The following RAB3IL1 variants were observed in gnomAD, a reference collection of about 807,000 sequenced individuals.
RAB3IL1 encodes the protein guanine nucleotide exchange factor for Rab-3A.
Under a neutral mutation model 49.2 loss-of-function variants are expected in RAB3IL1, and 37 were observed. The observed-to-expected ratio is 0.75, with a 90% CI of 0.58 to 0.99. The LOEUF is 0.99. Ranked by LOEUF, RAB3IL1 falls within the 50% of genes least tolerant of loss-of-function variation. RAB3IL1 has a pLI of 0.00. For missense variants in RAB3IL1, 484 were observed against 513.0 expected (o/e 0.94, Z 0.55); for synonymous variants, 193 against 213.9 (o/e 0.90, Z 0.85).
intron 8 of RAB3IL1, 162 bp from the exon 9 acceptor site, chr11:61,899,542 C>T: frequency 1.6e-6 from 1 of 620,458 alleles, no homozygotes; most frequent in East Asian, 2.8e-5. Context: ...TCAACAACAG[C>T]ATGACTAGCC....
At position 61,899,203 on chromosome 11, in the gene RAB3IL1, C is replaced by A. The variant is rs1319532627; in HGVS notation, c.1066+111G>T. ...AACCACAACCCTCCCCGCTCCCCAGCCTCCTAGCTGAGTCTTGCCTCCACT... is the reference window on the plus strand; with the variant it reads ...AACCACAACCCTCCCCGCTCCCCAGACTCCTAGCTGAGTCTTGCCTCCACT... On this transcript the variant is annotated intron_variant, in intron 9 of 9. Coordinates refer to ENST00000394836, the MANE Select transcript of RAB3IL1 (RefSeq NM_013401.4). The A allele has an allele frequency of 4.1e-6, 5 of 1,225,414 alleles. No individual in the cohort carries two copies. In the East Asian group the frequency reaches 1.0e-4, roughly 25 times the overall value. 75.9% of individuals were successfully genotyped at this position (1,225,414 alleles called of 1,614,324 possible). A position where few individuals can be genotyped will look rare whatever the true frequency, so the allele number is the denominator to read the frequency against.
intron 8 of RAB3IL1, 69 bp from the exon 9 acceptor site, chr11:61,899,449 G>T: frequency 6.7e-7 from 1 of 1,494,082 alleles, no homozygotes; most frequent in Non-Finnish European, 9.1e-7. Flanking sequence ...AGGCGGATCT[G>T]AGTCCAGAGC....
At position 61,902,520 on chromosome 11, in the gene RAB3IL1, C is replaced by G. The variant is rs1192946418; in HGVS notation, c.921G>C (p.Leu307=). Residue 307 remains leucine (L), a synonymous_variant, in exon 8 of 10, where the codon CTG becomes CTC. Transcript: ENST00000394836. ...SSTNTCALSG[L]TRTCRHRIRL... ...GGATTCGGTGGCGGCAGGTGCGGGT[C>G]AGCCCGCTCAGGGCACATGTGCTAG... is the stretch of plus-strand genomic sequence containing the variant. 4 of 1,601,196 alleles carry G rather than the reference C, an allele frequency of 2.5e-6. No individual in the cohort carries two copies. The South Asian group carries it at 4.5e-5, about 18-fold the overall frequency.
chr11:61,923,560 G>A (rs1306827934), upstream of RAB3IL1, among the ~76,000 whole-genome samples: 2 of 152,306 alleles, frequency 1.3e-5, no homozygotes, highest in East Asian at 3.9e-4. Context: ...TGCAGGGCTG[G>A]GCGCTCAGCA....
chr11:61,933,952 A>T, the RAB3IL1 span, among the ~76,000 whole-genome samples: 1 of 152,102 alleles, frequency 6.6e-6, no homozygotes, highest in Non-Finnish European at 1.5e-5. Flanking sequence ...CTCAGAAAAA[A>T]AAAGAAAAGA....
chr11:61,920,366 AATT>A (rs1019159418), upstream of RAB3IL1: 5 of 815,190 alleles, frequency 6.1e-6, no homozygotes, highest in African/African-American at 8.8e-5. Flanking sequence ...TCAACCCCGT[AATT>A]ATTAACTCCT....
At chr11:61,918,962 C>A (rs1283178291), upstream of RAB3IL1, among the ~76,000 whole-genome samples, 1 of 152,212 alleles carries the variant, frequency 6.6e-6, no homozygotes, top group Non-Finnish European at 1.5e-5. Context: ...CCCTACCCCA[C>A]CCCCAGCCCA....
Position 61,898,156 on chromosome 11 carries a change from T to C in RAB3IL1, c.*122A>G, listed in dbSNP as rs1385955659. On this transcript the variant is annotated 3_prime_UTR_variant, in exon 10 of 10. Coordinates refer to ENST00000394836, the MANE Select transcript of RAB3IL1 (RefSeq NM_013401.4). The surrounding 1 kb of genome is among the most constrained non-coding windows in gnomAD (Gnocchi z 5.1). The stretch of plus-strand genomic sequence containing the variant: ...CTCAGTGCTGCCTCCATGGCCTGTC[T>C]GTCCATCCATTCTGCCTCTGGCTCA... 1.2e-5 allele frequency: 10 copies of C among 865,468 alleles called. No homozygotes were observed. The East Asian group carries it at 2.4e-4, about 21-fold the overall frequency. The allele number at this position is 865,468 out of a possible 1,614,324, so 53.6% of individuals were successfully genotyped here.
In RAB3IL1 at chr11:61,906,408, T is replaced by C. The variant is rs1939183524; in HGVS notation, c.657+58A>G. The C allele has an allele frequency of 4.8e-6, 7 of 1,462,038 alleles. No homozygotes were observed. Among genetic ancestry groups the C allele is most frequent in the Non-Finnish European group, 6.5e-6 (7 of 1,080,468 alleles). 90.6% of individuals were successfully genotyped at this position (1,462,038 alleles called of 1,614,324 possible). A position where few individuals can be genotyped will look rare whatever the true frequency, so the allele number is the denominator to read the frequency against. ...GCTGGTCCTCACTGGGCTCGGACCC[T>C]GCCTACCGCAGGCACTGCCACCCTT... On this transcript the variant is annotated intron_variant, in intron 5 of 9. Coordinates refer to ENST00000394836, the MANE Select transcript of RAB3IL1 (RefSeq NM_013401.4). This position sits in a 1 kb window ranked among gnomAD's most constrained non-coding sequence, Gnocchi z 4.6.
At chr11:61,941,381 G>A in the RAB3IL1 span, among the ~76,000 whole-genome samples, 2 of 152,148 alleles carry the variant, frequency 1.3e-5, no homozygotes, top group African/African-American at 2.4e-5. Flanking sequence ...AAATAGAGAA[G>A]AATATACTTC....
At chr11:61,929,368 G>A in the RAB3IL1 span, among the ~76,000 whole-genome samples, 2 of 152,018 alleles carry the variant, frequency 1.3e-5, no homozygotes, top group East Asian at 3.9e-4. Flanking sequence ...AGCTGGGTGT[G>A]GTGGCATGCG....
At chr11:61,931,777 A>T in the RAB3IL1 span, among the ~76,000 whole-genome samples, 1 of 152,204 alleles carries the variant, frequency 6.6e-6, no homozygotes, top group Admixed American at 6.5e-5. Flanking sequence ...AACAAAAACT[A>T]TTGGAAAATA....
chr11:61,901,084 G>A (rs556515936), intron 8 of RAB3IL1, among the ~76,000 whole-genome samples: 1 of 152,118 alleles, frequency 6.6e-6, no homozygotes, highest in Non-Finnish European at 1.5e-5. Flanking sequence ...GAGGACTCAC[G>A]CTCGGATGCC....
the RAB3IL1 span, among the ~76,000 whole-genome samples, chr11:61,940,689 G>A: frequency 2.0e-5 from 3 of 152,240 alleles, no homozygotes; most frequent in Middle Eastern, 0.01. Context: ...TCGGGAAGAC[G>A]AGGTGGGCGG....
chr11:61,921,206 C>T (rs1939897911), upstream of RAB3IL1, among the ~76,000 whole-genome samples: 1 of 152,000 alleles, frequency 6.6e-6, no homozygotes, highest in African/African-American at 2.4e-5. Context: ...TGGGGTCTCA[C>T]TACCCTTAAA....
intron 4 of RAB3IL1, 87 bp downstream of exon 4, chr11:61,907,306 C>T (rs1398278629): frequency 7.1e-7 from 1 of 1,411,874 alleles, no homozygotes; most frequent in Non-Finnish European, 9.8e-7. Flanking sequence ...GGTGAGCGTC[C>T]ACTCGGGCAG....
intron 7 of RAB3IL1, among the ~76,000 whole-genome samples, chr11:61,903,024 T>A (rs956905552): frequency 1.3e-5 from 2 of 151,904 alleles, no homozygotes; most frequent in Non-Finnish European, 1.5e-5. Context: ...ACCAACCCCG[T>A]CTAAGAGCCT....
chr11:61,917,139 TCGGCTGCCCACCCTTCGCA>T (rs568993778), intron 1 of RAB3IL1, among the ~76,000 whole-genome samples, 199 bp downstream of exon 1: 68 of 152,046 alleles, frequency 4.5e-4, no homozygotes, highest in African/African-American at 1.4e-3. Flanking sequence ...CCCGGGACGG[TCGGCTGCCCACCCTTCGCA>T]CCCTGCACCC....
chr11:61,907,720 G>T, intron 2 of RAB3IL1, 60 bp from the exon 3 acceptor site: 1 of 1,475,118 alleles, frequency 6.8e-7, no homozygotes, highest in Non-Finnish European at 9.4e-7. Context: ...GCACGGGAGG[G>T]ACCAGGCCCA....
Sources: gnomAD v4.1 joint callset for allele counts (sites outside exome capture counted in the v4.1 genomes callset) on GRCh38, gnomAD v4.1.1 for gene constraint, Gnocchi (gnomAD v3.1) non-coding constraint, MANE v1.5 for transcripts, NCBI Gene and HGNC (gene_info 2026-07-23, HGNC 2026-07-21) for gene names.